Variants in DIRAS2 observed in about 807,000 individuals in gnomAD.
DIRAS2 encodes DIRAS family GTPase 2.
In DIRAS2, 5 loss-of-function variants were observed where a neutral mutation model predicts 13.9. The observed-to-expected ratio is 0.36, with a 90% CI of 0.19 to 0.76. The LOEUF is 0.76. DIRAS2 is among the 30% of genes least tolerant of loss of function. The pLI, the probability that DIRAS2 is intolerant of heterozygous loss-of-function variation, is 0.53. For synonymous variants in DIRAS2, 111 were observed against 105.4 expected (o/e 1.05, Z -0.33); for missense variants, 191 against 263.0 (o/e 0.73, Z 1.89).
At position 90,613,062 on chromosome 9, in the gene DIRAS2, A is replaced by G. The variant is rs960305273; in HGVS notation, c.*166T>C. On this transcript the variant is annotated 3_prime_UTR_variant, in exon 2 of 2. Coordinates refer to ENST00000375765, the MANE Select transcript of DIRAS2 (RefSeq NM_017594.5). This position sits in a 1 kb window ranked among gnomAD's most constrained non-coding sequence, Gnocchi z 5.6. ...TCTGTGACTCCAGAGTGGGTGGCTT[A>G]CTGTTGGTGGTGTGAAACGCCCTCT... is the stretch of plus-strand genomic sequence containing the variant. 5.3e-6 allele frequency: 5 copies of G among 945,506 alleles called. No individual in the cohort carries two copies. Among genetic ancestry groups the G allele is most frequent in the Admixed American group, 2.8e-5 (1 of 35,240 alleles). 58.6% of individuals were successfully genotyped at this position (945,506 alleles called of 1,614,324 possible).
intron 1 of DIRAS2, among the ~76,000 whole-genome samples, chr9:90,625,447 T>C (rs554700968): frequency 2.6e-5 from 4 of 152,244 alleles, no homozygotes; most frequent in Non-Finnish European, 5.9e-5. Context: ...AGTTTTATGG[T>C]TTCAGTTCTT....
At chr9:90,623,597 A>G (rs1564020275) in intron 1 of DIRAS2, among the ~76,000 whole-genome samples, 1 of 152,222 alleles carries the variant, frequency 6.6e-6, no homozygotes. Flanking sequence ...GGGAAAATGC[A>G]TTTTGATTTG....
chr9:90,622,354 G>A (rs1479143111), intron 1 of DIRAS2, among the ~76,000 whole-genome samples: 2 of 152,122 alleles, frequency 1.3e-5, no homozygotes, highest in Non-Finnish European at 2.9e-5. Flanking sequence ...GCAGGAGTAG[G>A]TAGTAGGACT....
intron 1 of DIRAS2, among the ~76,000 whole-genome samples, chr9:90,620,407 G>A (rs1455973213): frequency 6.6e-6 from 1 of 152,134 alleles, no homozygotes; most frequent in Non-Finnish European, 1.5e-5. Context: ...AACAAACCCT[G>A]AAATATTCAT....
intron 1 of DIRAS2, among the ~76,000 whole-genome samples, chr9:90,623,162 GTTTGCTCAT>G (rs964302032): frequency 2.8e-4 from 42 of 152,138 alleles, no homozygotes; most frequent in African/African-American, 9.2e-4. Context: ...CTGTGTCTCT[GTTTGCTCAT>G]TTTAATCCTT....
intron 1 of DIRAS2, among the ~76,000 whole-genome samples, chr9:90,639,328 C>T (rs1410868247): frequency 6.6e-6 from 1 of 152,196 alleles, no homozygotes; most frequent in Non-Finnish European, 1.5e-5. Flanking sequence ...TCACCCTAAA[C>T]TTTATCTAAT....
At chr9:90,614,193 AC>A (rs1191524778) in intron 1 of DIRAS2, among the ~76,000 whole-genome samples, 1 of 151,868 alleles carries the variant, frequency 6.6e-6, no homozygotes, top group Non-Finnish European at 1.5e-5. Context: ...TAAATTAACT[AC>A]CCCCGTAAAA....
At chr9:90,635,771 G>A (rs1252461499) in intron 1 of DIRAS2, among the ~76,000 whole-genome samples, 2 of 152,260 alleles carry the variant, frequency 1.3e-5, no homozygotes, top group Non-Finnish European at 2.9e-5. Context: ...TTAAGAGAAG[G>A]TAATGGAAGA....
rs145337104 is a variant in DIRAS2, at chr9:90,610,741, C to T, written c.*2487G>A. 10 of 264,706 alleles carry T rather than the reference C, an allele frequency of 3.8e-5. No individual in the cohort carries two copies. The highest frequency in any genetic ancestry group is 1.3e-4 in the East Asian group (2 of 15,808). 16.4% of individuals were successfully genotyped at this position (264,706 alleles called of 1,614,324 possible). A position where few individuals can be genotyped will look rare whatever the true frequency, so the allele number is the denominator to read the frequency against. On this transcript the variant is annotated 3_prime_UTR_variant, in exon 2 of 2. Coordinates refer to ENST00000375765, the MANE Select transcript of DIRAS2 (RefSeq NM_017594.5). ...TATCCTCAGTTCAGCTCATAGAAAA[C>T]GATCTCAAAATGAAGACCCATAATT...
At chr9:90,637,575 A>G (rs1262390962) in intron 1 of DIRAS2, among the ~76,000 whole-genome samples, 1 of 152,198 alleles carries the variant, frequency 6.6e-6, no homozygotes, top group African/African-American at 2.4e-5. Flanking sequence ...AAACTCTTTG[A>G]TCCCTTCCAT....
In DIRAS2 at chr9:90,638,685, G is replaced by C. The variant is rs141427320; in HGVS notation, c.-37+4067C>G. Among the ~76,000 whole-genome samples the C allele has an allele frequency of 2.7e-3, 417 of 151,910 alleles. 4 individuals carry two copies. Among genetic ancestry groups the C allele is most frequent in the African/African-American group, 9.7e-3 (400 of 41,426 alleles). On this transcript the variant is annotated intron_variant, in intron 1 of 1. Transcript: ENST00000375765. The stretch of plus-strand genomic sequence containing the variant: ...GTGCACGTAATTGGGGTGGTAGGTA[G>C]CTGGGTGATAAGGCTGGGGAGATGA...
Position 90,629,120 on chromosome 9 carries a change from T to C in DIRAS2, c.-37+13632A>G, listed in dbSNP as rs573225611. Among the ~76,000 whole-genome samples the C allele has an allele frequency of 2.0e-5, 3 of 152,234 alleles. No individual in the cohort carries two copies. In the South Asian group the frequency reaches 6.2e-4, roughly 32 times the overall value. On this transcript the variant is annotated intron_variant, in intron 1 of 1. Transcript: ENST00000375765. Reference sequence around the variant, plus strand: ...CTGCCCGCCTCGGCCTCCCAAAGTGTTAGGATTACAGGCGTGAGCCACCAC... The same window carrying C: ...CTGCCCGCCTCGGCCTCCCAAAGTGCTAGGATTACAGGCGTGAGCCACCAC...
chr9:90,625,595 G>A (rs1200331377), intron 1 of DIRAS2, among the ~76,000 whole-genome samples: 1 of 152,102 alleles, frequency 6.6e-6, no homozygotes, highest in Non-Finnish European at 1.5e-5. Flanking sequence ...CCATTGAATG[G>A]TCTAAGTCCC....
intron 1 of DIRAS2, among the ~76,000 whole-genome samples, chr9:90,634,874 C>T (rs1211315746): frequency 6.6e-6 from 1 of 152,176 alleles, no homozygotes; most frequent in Non-Finnish European, 1.5e-5. Context: ...AGGAATAAAC[C>T]TGAGACACTG....
chr9:90,613,141 A>G lies in DIRAS2; in HGVS notation c.*87T>C, dbSNP rs1009494829. ...ATGCAATGTTTAACACGTGGGCATTATACATGCTACCCTGACGACGGTGGG... is the reference window on the plus strand; with the variant it reads ...ATGCAATGTTTAACACGTGGGCATTGTACATGCTACCCTGACGACGGTGGG... On this transcript the variant is annotated 3_prime_UTR_variant, in exon 2 of 2. Coordinates refer to ENST00000375765, the MANE Select transcript of DIRAS2 (RefSeq NM_017594.5). The surrounding 1 kb of genome is among the most constrained non-coding windows in gnomAD (Gnocchi z 5.6). 2 of 1,528,416 alleles carry G rather than the reference A, an allele frequency of 1.3e-6. No homozygotes were observed. Among genetic ancestry groups the G allele is most frequent in the South Asian group, 1.3e-5 (1 of 77,606 alleles). 94.7% of individuals were successfully genotyped at this position (1,528,416 alleles called of 1,614,324 possible).
At position 90,613,753 on chromosome 9, in the gene DIRAS2, C is replaced by G; in HGVS notation, c.75G>C (p.Leu25Phe). The change falls in exon 2 of 2, where the codon TTG becomes TTC. Residue 25 changes from leucine to phenylalanine, a missense_variant. Transcript: ENST00000375765. The surrounding 1 kb of genome is among the most constrained non-coding windows in gnomAD (Gnocchi z 5.6). ...AGGVGKSSLVLRFVKGTFRES... is the reference protein window; with the variant it reads ...AGGVGKSSLVFRFVKGTFRES... The stretch of plus-strand genomic sequence containing the variant: ...CCCGGAATGTGCCTTTCACAAACCT[C>G]AACACCAGGGAGCTCTTGCCAACAC... 2 of 1,614,186 alleles carry G rather than the reference C, an allele frequency of 1.2e-6. No individual in the cohort carries two copies. The highest frequency in any genetic ancestry group is 8.5e-7 in the Non-Finnish European group (1 of 1,180,038).
Position 90,613,599 on chromosome 9 carries a change from AGATG to A in DIRAS2, c.225_228del (p.Ile76ProfsTer82). The A allele has an allele frequency of 6.2e-7, 1 of 1,614,084 alleles. No individual in the cohort carries two copies. The highest frequency in any genetic ancestry group is 1.1e-5 in the South Asian group (1 of 91,076). On this transcript the variant is annotated frameshift_variant, in exon 2 of 2. Transcript: ENST00000375765. LOFTEE classifies it high-confidence loss of function. The surrounding 1 kb of genome is among the most constrained non-coding windows in gnomAD (Gnocchi z 5.6). ...ACCAGGATGAAGGCGTGCCCTTTGG[AGATG>A]GACAGCCGCTGCATGGCCGGGAACT...
At chr9:90,616,779 T>C (rs1247215242) in intron 1 of DIRAS2, among the ~76,000 whole-genome samples, 1 of 150,634 alleles carries the variant, frequency 6.6e-6, no homozygotes, top group Non-Finnish European at 1.5e-5. Flanking sequence ...TTTTCTTCCA[T>C]GTCAGAACCA....
Position 90,612,956 on chromosome 9 carries a change from G to T in DIRAS2, c.*272C>A. On this transcript the variant is annotated 3_prime_UTR_variant, in exon 2 of 2. Coordinates refer to ENST00000375765, the MANE Select transcript of DIRAS2 (RefSeq NM_017594.5). ...TCCCTCCCACCTTCGGGTGTTCATC[G>T]CCACCTTCAGCAATTGCTGGCACCT... 1 of 452,698 alleles carries T rather than the reference G, an allele frequency of 2.2e-6. No homozygotes were observed. The highest frequency in any genetic ancestry group is 4.0e-6 in the Non-Finnish European group (1 of 249,500). 28.0% of individuals were successfully genotyped at this position (452,698 alleles called of 1,614,324 possible).
Sources: gnomAD v4.1 joint callset for allele counts (sites outside exome capture counted in the v4.1 genomes callset) on GRCh38, gnomAD v4.1.1 for gene constraint, Gnocchi (gnomAD v3.1) non-coding constraint, MANE v1.5 for transcripts, NCBI Gene and HGNC (gene_info 2026-07-23, HGNC 2026-07-21) for gene names.